Variants in INPP4B observed in about 807,000 individuals in gnomAD.
INPP4B encodes inositol polyphosphate-4-phosphatase type II B.
INPP4B carries 55 observed loss-of-function variants against 122.5 expected under a neutral mutation model. That is an observed-to-expected ratio of 0.45 (90% CI 0.36 to 0.56). INPP4B has a LOEUF of 0.56. INPP4B is among the 20% of genes least tolerant of loss of function. The pLI is 0.00. For synonymous variants in INPP4B, 403 were observed against 388.7 expected, an observed-to-expected ratio of 1.04 and a Z score of -0.43; for missense variants, 1,000 against 1,097.7, an observed-to-expected ratio of 0.91 and a Z score of 1.26.
chr4:142,575,300 G>GA (rs1259057172), intron 2 of INPP4B, among the ~76,000 whole-genome samples: 4 of 151,866 alleles, frequency 2.6e-5, no homozygotes, highest in African/African-American at 4.8e-5. Context: ...ACTCACTCAA[G>GA]AAAAAAATCA....
chr4:142,051,013 G>C (rs1754283845), intron 25 of INPP4B, among the ~76,000 whole-genome samples: 1 of 151,850 alleles, frequency 6.6e-6, no homozygotes. Flanking sequence ...TTATTCCCTA[G>C]GAATTTTTTA....
chr4:142,140,982 T>C (rs1807485553), intron 18 of INPP4B, among the ~76,000 whole-genome samples: 1 of 152,192 alleles, frequency 6.6e-6, no homozygotes, highest in Non-Finnish European at 1.5e-5. Context: ...TGCAGACTGC[T>C]GAGACAAACT....
At chr4:142,506,295 G>A (rs1824016612) in intron 2 of INPP4B, among the ~76,000 whole-genome samples, 1 of 152,080 alleles carries the variant, frequency 6.6e-6, no homozygotes, top group Admixed American at 6.6e-5. Context: ...ATAGAGAGGT[G>A]CCAGACACTC....
chr4:142,462,859 C>A (rs1816990617), intron 2 of INPP4B, 133 bp from the exon 3 acceptor site: 1 of 152,190 alleles, frequency 6.6e-6, no homozygotes, highest in Non-Finnish European at 1.5e-5. Flanking sequence ...ATCATCATCA[C>A]AAGATTCATG....
intron 1 of INPP4B, among the ~76,000 whole-genome samples, chr4:142,769,202 G>A (rs1772628936): frequency 6.6e-6 from 1 of 152,190 alleles, no homozygotes; most frequent in Admixed American, 6.5e-5. Flanking sequence ...GCGTCTTAAA[G>A]AAGGAAGAAG....
At chr4:142,367,742 C>G (rs1788113379) in intron 7 of INPP4B, among the ~76,000 whole-genome samples, 1 of 152,078 alleles carries the variant, frequency 6.6e-6, no homozygotes, top group Admixed American at 6.6e-5. Flanking sequence ...GAGAATTGTG[C>G]CAGGTTCATA....
chr4:142,404,783 C>A (rs909771069), intron 6 of INPP4B, among the ~76,000 whole-genome samples: 13 of 152,000 alleles, frequency 8.6e-5, no homozygotes, highest in African/African-American at 2.9e-4. Context: ...TTTAAAATTT[C>A]TCTGGGTACT....
At chr4:142,187,622 C>A (rs1292364041) in intron 15 of INPP4B, among the ~76,000 whole-genome samples, 2 of 151,898 alleles carry the variant, frequency 1.3e-5, no homozygotes, top group Admixed American at 1.3e-4. Context: ...GACAGGGCCT[C>A]CCTCTGTCAC....
At chr4:142,684,036 T>C (rs1759002701) in intron 2 of INPP4B, among the ~76,000 whole-genome samples, 1 of 151,966 alleles carries the variant, frequency 6.6e-6, no homozygotes, top group Non-Finnish European at 1.5e-5. Context: ...TAAAGCATAG[T>C]GGATATATGG....
At chr4:142,463,864 G>A (rs1560687196) in intron 2 of INPP4B, among the ~76,000 whole-genome samples, 1 of 152,112 alleles carries the variant, frequency 6.6e-6, no homozygotes, top group Non-Finnish European at 1.5e-5. Flanking sequence ...CCCCAGCCCT[G>A]CAGAACTGAG....
chr4:142,224,812 C>T (rs1045242070), intron 12 of INPP4B, among the ~76,000 whole-genome samples: 1 of 151,622 alleles, frequency 6.6e-6, no homozygotes, highest in Non-Finnish European at 1.5e-5. Flanking sequence ...TATTTTATCA[C>T]CATGAATCTA....
chr4:142,622,620 C>G (rs375820257), intron 2 of INPP4B, among the ~76,000 whole-genome samples: 26 of 151,912 alleles, frequency 1.7e-4, no homozygotes, highest in East Asian at 1.2e-3. Flanking sequence ...AGATGACAGG[C>G]AAGGGGAGAA....
At chr4:142,504,423 T>C (rs921514522) in intron 2 of INPP4B, among the ~76,000 whole-genome samples, 2 of 152,156 alleles carry the variant, frequency 1.3e-5, no homozygotes, top group African/African-American at 4.8e-5. Context: ...TGAAGATGAC[T>C]TGTTTTTTGG....
At chr4:142,675,504 C>T (rs954265428) in intron 2 of INPP4B, among the ~76,000 whole-genome samples, 1 of 151,638 alleles carries the variant, frequency 6.6e-6, no homozygotes, top group African/African-American at 2.4e-5. Context: ...TTTTATGAGG[C>T]CATTATCCTG....
At chr4:142,137,135 T>C (rs1804836827) in intron 18 of INPP4B, among the ~76,000 whole-genome samples, 1 of 152,152 alleles carries the variant, frequency 6.6e-6, no homozygotes, top group Non-Finnish European at 1.5e-5. Flanking sequence ...CTTCAAACTA[T>C]ACTACAAGGC....
At chr4:142,192,845 T>C (rs1473559705) in intron 15 of INPP4B, among the ~76,000 whole-genome samples, 1 of 152,188 alleles carries the variant, frequency 6.6e-6, no homozygotes, top group Admixed American at 6.6e-5. Flanking sequence ...CACCCCTTAG[T>C]CATATGACTT....
chr4:142,294,970 C>A (rs1289201762), intron 9 of INPP4B, among the ~76,000 whole-genome samples: 3 of 149,402 alleles, frequency 2.0e-5, no homozygotes, highest in Admixed American at 6.7e-5. Context: ...GGAAAGAGGA[C>A]ATATAAAGTT....
At chr4:142,460,428 G>C (rs1816472656) in intron 3 of INPP4B, among the ~76,000 whole-genome samples, 1 of 152,140 alleles carries the variant, frequency 6.6e-6, no homozygotes. Context: ...ATGCTCCCCA[G>C]ATGCCAACTA....
At chr4:142,192,800 C>T (rs1280763688) in intron 15 of INPP4B, among the ~76,000 whole-genome samples, 1 of 152,176 alleles carries the variant, frequency 6.6e-6, no homozygotes, top group African/African-American at 2.4e-5. Flanking sequence ...TCTCTGAACA[C>T]TCCTTTGAGC....
Sources: gnomAD v4.1 joint callset for allele counts (sites outside exome capture counted in the v4.1 genomes callset) on GRCh38, gnomAD v4.1.1 for gene constraint, MANE v1.5 for transcripts, NCBI Gene and HGNC (gene_info 2026-07-23, HGNC 2026-07-21) for gene names.